Variants in PRKCB observed in about 807,000 individuals in gnomAD.
PRKCB encodes protein kinase C beta, also known as protein kinase C beta type.
A neutral mutation model predicts 81.5 loss-of-function variants in PRKCB; 13 were observed. The ratio of observed to expected loss-of-function variants is 0.16; its 90% CI spans 0.10 to 0.25. The LOEUF is 0.25. Ranked by LOEUF, PRKCB falls within the 10% of genes least tolerant of loss-of-function variation. The pLI, the probability that PRKCB is intolerant of heterozygous loss-of-function variation, is 1.00. For missense variants in PRKCB, 509 were observed against 875.7 expected, an observed-to-expected ratio of 0.58 and a Z score of 5.29; for synonymous variants, 335 against 321.4, an observed-to-expected ratio of 1.04 and a Z score of -0.45.
chr16:24,123,907 A>G lies in PRKCB; in HGVS notation c.991A>G (p.Asn331Asp), dbSNP rs1251985265. The change falls in exon 9 of 17, where the codon AAT (asparagine) becomes GAT (aspartate). Residue 331 changes from asparagine to aspartate, a missense_variant. Transcript: ENST00000643927. ...TTNTVSKFDN[N>D]GNRDRMKLTD... Reference sequence around the variant, plus strand: ...CAACACTGTCTCCAAATTTGACAACAATGGCAACAGAGACCGGATGAAACT... The same window carrying G: ...CAACACTGTCTCCAAATTTGACAACGATGGCAACAGAGACCGGATGAAACT... 6.2e-7 allele frequency: 1 copy of G among 1,614,164 alleles called. No homozygotes were observed. The highest frequency in any genetic ancestry group is 2.2e-5 in the East Asian group (1 of 44,876).
intron 2 of PRKCB, among the ~76,000 whole-genome samples, chr16:23,969,249 G>T (rs577438979): frequency 6.6e-6 from 1 of 152,162 alleles, no homozygotes; most frequent in Non-Finnish European, 1.5e-5. Context: ...TCCATGGGGA[G>T]TTTAAAGTGA....
chr16:24,083,722 C>T (rs114181450), intron 5 of PRKCB, among the ~76,000 whole-genome samples: 146 of 152,116 alleles, frequency 9.6e-4, no homozygotes, highest in East Asian at 3.1e-3. Context: ...GGAATTTTTC[C>T]GAGGTGATAG....
intron 5 of PRKCB, among the ~76,000 whole-genome samples, chr16:24,073,742 A>G (rs1417664562): frequency 1.3e-5 from 2 of 152,336 alleles, no homozygotes; most frequent in East Asian, 1.9e-4. Context: ...AAATGTGTCC[A>G]GTATTCCTTC....
chr16:24,135,998 C>T (rs1354710990), intron 9 of PRKCB, among the ~76,000 whole-genome samples: 2 of 152,110 alleles, frequency 1.3e-5, no homozygotes, highest in Non-Finnish European at 2.9e-5. Flanking sequence ...ATCTTGGATT[C>T]CTGCCTTCTC....
chr16:23,906,845 T>C (rs1963567909), intron 2 of PRKCB, among the ~76,000 whole-genome samples: 1 of 152,196 alleles, frequency 6.6e-6, no homozygotes, highest in Admixed American at 6.5e-5. Context: ...ACTCATTTTC[T>C]GACAGCCTCC....
intron 7 of PRKCB, among the ~76,000 whole-genome samples, chr16:24,101,295 C>T (rs1467583050): frequency 6.6e-6 from 1 of 152,124 alleles, no homozygotes; most frequent in Non-Finnish European, 1.5e-5. Context: ...ATCTGTAATC[C>T]CCGCACTTTG....
intron 2 of PRKCB, among the ~76,000 whole-genome samples, chr16:23,965,318 A>G (rs955675265): frequency 2.6e-5 from 4 of 152,188 alleles, no homozygotes; most frequent in Non-Finnish European, 5.9e-5. Context: ...AGCAAAGAGC[A>G]TGGTTTCATT....
chr16:23,841,569 C>G (rs1370558291), intron 2 of PRKCB, among the ~76,000 whole-genome samples: 2 of 151,376 alleles, frequency 1.3e-5, no homozygotes, highest in Non-Finnish European at 2.9e-5. Flanking sequence ...CTCACTGCAG[C>G]CTCAAACTCC....
At chr16:23,863,548 G>A (rs766909505) in intron 2 of PRKCB, among the ~76,000 whole-genome samples, 6 of 152,096 alleles carry the variant, frequency 3.9e-5, no homozygotes, top group Non-Finnish European at 5.9e-5. Context: ...TGCTGCACCC[G>A]ATGTCCCAGC....
At chr16:24,074,345 G>A (rs191917247) in intron 5 of PRKCB, among the ~76,000 whole-genome samples, 26 of 152,208 alleles carry the variant, frequency 1.7e-4, no homozygotes, top group African/African-American at 6.3e-4. Context: ...CCGCTCTACT[G>A]TTATCAGCTC....
intron 10 of PRKCB, among the ~76,000 whole-genome samples, chr16:24,161,794 T>G (rs1967260494): frequency 6.6e-6 from 1 of 152,128 alleles, no homozygotes; most frequent in Non-Finnish European, 1.5e-5. Context: ...GTGAATAAAA[T>G]ATAATAAACA....
intron 2 of PRKCB, among the ~76,000 whole-genome samples, chr16:23,866,901 C>T (rs1332048844): frequency 6.6e-6 from 1 of 151,822 alleles, no homozygotes; most frequent in Non-Finnish European, 1.5e-5. Flanking sequence ...TTTAATGATC[C>T]TTTCCTGTCC....
intron 3 of PRKCB, among the ~76,000 whole-genome samples, chr16:24,013,268 C>A (rs1306527247): frequency 6.6e-6 from 1 of 152,036 alleles, no homozygotes; most frequent in Non-Finnish European, 1.5e-5. Context: ...AAAGTAATTG[C>A]GGTTTTTGCT....
intron 2 of PRKCB, among the ~76,000 whole-genome samples, chr16:23,853,333 C>A (rs1185083187): frequency 6.6e-6 from 1 of 152,122 alleles, no homozygotes; most frequent in Non-Finnish European, 1.5e-5. Context: ...TCACACAGGA[C>A]CCCAGGGTCC....
At chr16:24,071,191 C>T (rs1966103096) in intron 5 of PRKCB, among the ~76,000 whole-genome samples, 1 of 152,008 alleles carries the variant, frequency 6.6e-6, no homozygotes, top group Non-Finnish European at 1.5e-5. Flanking sequence ...TCATGATATA[C>T]CCTAAGCATT....
chr16:24,167,800 A>G, intron 10 of PRKCB, among the ~76,000 whole-genome samples: 1 of 152,138 alleles, frequency 6.6e-6, no homozygotes, highest in East Asian at 1.9e-4. Context: ...CCCAATGCCT[A>G]AGGTTCAGAC....
intron 2 of PRKCB, among the ~76,000 whole-genome samples, chr16:23,982,161 C>T (rs142322362): frequency 0.014 from 395 of 29,244 alleles, 12 homozygotes; most frequent in African/African-American, 0.04. Context: ...CTTCCCCTTC[C>T]CTTTCCCTTC....
intron 5 of PRKCB, among the ~76,000 whole-genome samples, chr16:24,039,100 A>C (rs1965664686): frequency 6.6e-6 from 1 of 152,198 alleles, no homozygotes; most frequent in Non-Finnish European, 1.5e-5. Context: ...CAAAGGAAGG[A>C]TACAGCAAGA....
At chr16:23,914,615 C>G (rs11074588) in intron 2 of PRKCB, among the ~76,000 whole-genome samples, 146,917 of 152,262 alleles carry the variant, frequency 0.96, 70,922 homozygotes, top group East Asian at 1. Context: ...CCCATAAGTG[C>G]GGATGACATA....
Sources: gnomAD v4.1 joint callset for allele counts (sites outside exome capture counted in the v4.1 genomes callset) on GRCh38, gnomAD v4.1.1 for gene constraint, MANE v1.5 for transcripts, NCBI Gene and HGNC (gene_info 2026-07-23, HGNC 2026-07-21) for gene names.